Variants in MRC2 observed in about 807,000 individuals in gnomAD.
MRC2 encodes the protein mannose receptor C-type 2, also known as C-type mannose receptor 2.
Under a neutral mutation model 206.2 loss-of-function variants are expected in MRC2, and 84 were observed. The ratio of observed to expected loss-of-function variants is 0.41; its 90% CI spans 0.34 to 0.49. MRC2 has a LOEUF of 0.49. Among genes scored for constraint, MRC2 ranks in the 20% least tolerant of loss-of-function variants. The probability of loss-of-function intolerance (pLI) is 0.31; values close to 1 mark genes in which losing one functional copy is unlikely to be tolerated. For missense variants in MRC2, 1,676 were observed against 2,001.5 expected (o/e 0.84, Z 3.10); for synonymous variants, 798 against 800.0 (o/e 1.00, Z 0.04).
chr17:62,681,122 C>A lies in MRC2; in HGVS notation c.2695C>A (p.Arg899Ser), dbSNP rs755310888. The change falls in exon 18 of 30, where the codon CGC becomes AGC. Residue 899 changes from arginine to serine, a missense_variant. Physicochemically the swap from Arg to Ser is moderately radical, Grantham distance 110. Coordinates refer to ENST00000303375, the MANE Select transcript of MRC2 (RefSeq NM_006039.5). Reference protein sequence around the residue: ...IGLHTSESDGRFRWTDGSIIN... With the variant: ...IGLHTSESDGSFRWTDGSIIN... ...CCTGCACACCTCTGAGAGCGATGGG[C>A]GCTTCAGGTAGGAACCCAGGCAGGC... The A allele has an allele frequency of 1.9e-6, 3 of 1,613,544 alleles. No individual in the cohort carries two copies. Among genetic ancestry groups the A allele is most frequent in the Admixed American group, 1.7e-5 (1 of 60,014 alleles).
intron 1 of MRC2, among the ~76,000 whole-genome samples, chr17:62,631,635 G>A (rs1478600254): frequency 6.6e-6 from 1 of 152,078 alleles, no homozygotes; most frequent in East Asian, 1.9e-4. Context: ...GAGGAGGGTG[G>A]AGCGAGCAGC....
Position 62,675,441 on chromosome 17 carries a change from C to T in MRC2, c.1570-349C>T, listed in dbSNP as rs2088879186. ...TCTCCCCAGCCTTTAGCTGTGGTTTCCCAGCCAACAGTAATTTCCCCACTG... is the reference window on the plus strand; with the variant it reads ...TCTCCCCAGCCTTTAGCTGTGGTTTTCCAGCCAACAGTAATTTCCCCACTG... On this transcript the variant is annotated intron_variant, in intron 9 of 29. Transcript: ENST00000303375. The surrounding 1 kb of genome is among the most constrained non-coding windows in gnomAD (Gnocchi z 4.1). Among the ~76,000 whole-genome samples the T allele has an allele frequency of 6.6e-6, 1 of 152,204 alleles. No individual in the cohort carries two copies.
At chr17:62,673,967 G>T in intron 8 of MRC2, 96 bp from the exon 9 acceptor site, 1 of 965,186 alleles carries the variant, frequency 1.0e-6, no homozygotes, top group South Asian at 1.5e-5. Context: ...CAGTAAGTCA[G>T]AGACAGGGCC....
rs1469254371 is a variant in MRC2, at chr17:62,659,524, C to T, written c.119-5024C>T. Among the ~76,000 whole-genome samples, 3 of 147,430 alleles carry T rather than the reference C, an allele frequency of 2.0e-5. No individual in the cohort carries two copies. The Admixed American group carries it at 2.1e-4, about 10-fold the overall frequency. ...TCGCGCCACTGCACTCCAGCTGGGG[C>T]AACAGAGCGAGACTCTGTATCAAAA... is the stretch of plus-strand genomic sequence containing the variant. On this transcript the variant is annotated intron_variant, in intron 1 of 29. Coordinates refer to ENST00000303375, the MANE Select transcript of MRC2 (RefSeq NM_006039.5).
intron 1 of MRC2, among the ~76,000 whole-genome samples, chr17:62,638,154 T>C (rs2088350116): frequency 6.6e-6 from 1 of 152,174 alleles, no homozygotes; most frequent in African/African-American, 2.4e-5. Context: ...TGAGCAACTA[T>C]GAGGCTGGCA....
rs1045945946 is a variant in MRC2, at chr17:62,667,174, G to T, written c.974-216G>T. Among the ~76,000 whole-genome samples, 46 of 152,192 alleles carry T rather than the reference G, an allele frequency of 3.0e-4. No homozygotes were observed. The highest frequency in any genetic ancestry group is 1.4e-3 in the Admixed American group (22 of 15,276). On this transcript the variant is annotated intron_variant, in intron 5 of 29. Coordinates refer to ENST00000303375, the MANE Select transcript of MRC2 (RefSeq NM_006039.5). This position sits in a 1 kb window ranked among gnomAD's most constrained non-coding sequence, Gnocchi z 4.1. ...GGGAGGCCGGGGCGGGGCTGGTACT[G>T]GTTACTGGGTAGAAGGTTCAAGGCG...
At position 62,664,788 on chromosome 17, in the gene MRC2, G is replaced by C; in HGVS notation, c.359G>C (p.Arg120Pro). ...YECDREALNL[R>P]WHCRTLGDQL... is the part of the protein sequence containing the mutation. The stretch of plus-strand genomic sequence containing the variant: ...TGTGACCGGGAAGCACTGAATCTTC[G>C]CTGGCATTGTCGTACACTGGGTGAC... The change falls in exon 2 of 30, where the codon CGC (arginine) becomes CCC (proline). Residue 120 changes from arginine (R) to proline (P), a missense_variant. Arg to Pro is a moderately radical substitution (Grantham distance 103). Around this residue, in one of 3 missense-constraint regions of MRC2, gnomAD observed 318 missense variants for 346.7 expected, o/e 0.92. Transcript: ENST00000303375. The surrounding 1 kb of genome is among the most constrained non-coding windows in gnomAD (Gnocchi z 4.7). 1 of 1,613,922 alleles carries C rather than the reference G, an allele frequency of 6.2e-7. No homozygotes were observed. The highest frequency in any genetic ancestry group is 8.5e-7 in the Non-Finnish European group (1 of 1,180,026).
intron 18 of MRC2, chr17:62,681,414 G>A (rs2088965083): frequency 1.9e-6 from 1 of 537,516 alleles, no homozygotes; most frequent in African/African-American, 1.9e-5. Context: ...TACGTCTGGT[G>A]TCATTCATCA....
chr17:62,654,297 T>C (rs574346269), intron 1 of MRC2, among the ~76,000 whole-genome samples: 3 of 152,144 alleles, frequency 2.0e-5, no homozygotes, highest in African/African-American at 7.2e-5. Context: ...CGCTGGGCCC[T>C]GCGTTCCTGC....
chr17:62,689,387 G>C (rs1396436004), intron 23 of MRC2, 135 bp from the exon 24 acceptor site: 1 of 624,982 alleles, frequency 1.6e-6, no homozygotes, highest in Non-Finnish European at 2.9e-6. Flanking sequence ...CACCTACCAA[G>C]CCTTGGTCTG....
At chr17:62,665,067 T>A (rs1372475187) in intron 2 of MRC2, 118 bp downstream of exon 2, 2 of 1,116,914 alleles carry the variant, frequency 1.8e-6, no homozygotes, top group East Asian at 5.2e-5. Flanking sequence ...GGCAGTCACA[T>A]GTTTAATTAT....
intron 1 of MRC2, among the ~76,000 whole-genome samples, chr17:62,633,597 G>A (rs1203436988): frequency 6.6e-6 from 1 of 150,450 alleles, no homozygotes; most frequent in Non-Finnish European, 1.5e-5. Flanking sequence ...GCTGGACACG[G>A]TGGCCCATGC....
At chr17:62,669,802 C>A (rs1165387257) in intron 6 of MRC2, among the ~76,000 whole-genome samples, 1 of 152,172 alleles carries the variant, frequency 6.6e-6, no homozygotes, top group African/African-American at 2.4e-5. Context: ...GTGATTCACC[C>A]GCCTCGGCCT....
intron 6 of MRC2, among the ~76,000 whole-genome samples, chr17:62,668,991 C>T (rs2088791986): frequency 6.6e-6 from 1 of 151,808 alleles, no homozygotes; most frequent in African/African-American, 2.4e-5. Context: ...CTGTAGTTGG[C>T]TGTGGATGTT....
intron 1 of MRC2, among the ~76,000 whole-genome samples, chr17:62,654,733 G>A (rs557558647): frequency 7.9e-5 from 12 of 152,332 alleles, no homozygotes; most frequent in African/African-American, 2.6e-4. Flanking sequence ...AAGGAGATGG[G>A]TTACTCAATG....
At chr17:62,657,708 C>T (rs897408535) in intron 1 of MRC2, among the ~76,000 whole-genome samples, 2 of 152,158 alleles carry the variant, frequency 1.3e-5, no homozygotes, top group Non-Finnish European at 2.9e-5. Flanking sequence ...CTCTGAGCTC[C>T]CTCTGCCCGC....
chr17:62,687,943 T>A (rs2089052337), intron 20 of MRC2, among the ~76,000 whole-genome samples: 1 of 152,064 alleles, frequency 6.6e-6, no homozygotes, highest in Non-Finnish European at 1.5e-5. Flanking sequence ...ATAATGGATG[T>A]CAGACAACAT....
intron 8 of MRC2, among the ~76,000 whole-genome samples, chr17:62,673,622 C>T (rs1405463524): frequency 6.6e-6 from 1 of 151,102 alleles, no homozygotes; most frequent in African/African-American, 2.4e-5. Context: ...GATTCTTCTG[C>T]CTGAGCCTCC....
intron 1 of MRC2, among the ~76,000 whole-genome samples, chr17:62,657,756 C>G (rs2147456251): frequency 6.6e-6 from 1 of 152,304 alleles, no homozygotes; most frequent in South Asian, 2.1e-4. Flanking sequence ...ACAAAGAACA[C>G]AGAGCCAGCT....
Sources: gnomAD v4.1 joint callset for allele counts (sites outside exome capture counted in the v4.1 genomes callset) on GRCh38, gnomAD v4.1.1 for gene constraint, gnomAD v4.1.1 regional missense constraint, Gnocchi (gnomAD v3.1) non-coding constraint, MANE v1.5 for transcripts, NCBI Gene and HGNC (gene_info 2026-07-23, HGNC 2026-07-21) for gene names.